LUZP2: variants seen among roughly 807,000 people sequenced by gnomAD.
The protein encoded by LUZP2 is leucine zipper protein 2.
Under a neutral mutation model 51.6 loss-of-function variants are expected in LUZP2, and 52 were observed. The ratio of observed to expected loss-of-function variants is 1.01; its 90% CI spans 0.81 to 1.27. The LOEUF (loss-of-function observed/expected upper bound fraction) is 1.27. Among genes scored for constraint, LUZP2 ranks in the 50% most tolerant of loss-of-function variants. The pLI is 0.00. For missense variants in LUZP2, 436 were observed against 395.4 expected (o/e 1.10, Z -0.87); for synonymous variants, 154 against 137.3 (o/e 1.12, Z -0.85).
intron 1 of LUZP2, among the ~76,000 whole-genome samples, chr11:24,654,717 G>A (rs1006337096): frequency 6.6e-6 from 1 of 151,102 alleles, no homozygotes; most frequent in African/African-American, 2.4e-5. Context: ...TAGAGGCAGG[G>A]TTTCACCATC....
intron 1 of LUZP2, among the ~76,000 whole-genome samples, chr11:24,626,047 G>A (rs1236438590): frequency 6.6e-6 from 1 of 152,106 alleles, no homozygotes; most frequent in Non-Finnish European, 1.5e-5. Context: ...TTTACTTAAG[G>A]TTTTCTGAGT....
At chr11:24,733,283 G>T (rs1253957785) in intron 3 of LUZP2, among the ~76,000 whole-genome samples, 4 of 151,656 alleles carry the variant, frequency 2.6e-5, no homozygotes, top group Non-Finnish European at 4.4e-5. Context: ...AACTTGAAAA[G>T]AGCAATCCGA....
intron 10 of LUZP2, among the ~76,000 whole-genome samples, chr11:25,057,255 T>C (rs563190428): frequency 2.6e-5 from 4 of 152,288 alleles, no homozygotes; most frequent in East Asian, 1.9e-4. Context: ...CTTGGAATTA[T>C]AAAACATGCT....
At chr11:24,666,147 GA>G (rs1362537740) in intron 1 of LUZP2, among the ~76,000 whole-genome samples, 1 of 152,078 alleles carries the variant, frequency 6.6e-6, no homozygotes, top group African/African-American at 2.4e-5. Context: ...AGAAATGGGG[GA>G]AGGTCTGCTT....
chr11:24,812,350 T>G (rs909350546), intron 5 of LUZP2, among the ~76,000 whole-genome samples: 4 of 152,134 alleles, frequency 2.6e-5, no homozygotes, highest in African/African-American at 4.8e-5. Flanking sequence ...GCCTGTCTTG[T>G]TAAAAAAAGA....
At chr11:24,815,005 A>T (rs1262930647) in intron 5 of LUZP2, among the ~76,000 whole-genome samples, 10 of 140,314 alleles carry the variant, frequency 7.1e-5, no homozygotes, top group South Asian at 6.8e-4. Context: ...AAAAAAAAAA[A>T]ATAAAAATAA....
chr11:24,667,252 C>G (rs1005109175), intron 1 of LUZP2, among the ~76,000 whole-genome samples: 1 of 147,134 alleles, frequency 6.8e-6, no homozygotes, highest in Non-Finnish European at 1.5e-5. Context: ...GGCACGATCT[C>G]GGATCATTGC....
intron 1 of LUZP2, among the ~76,000 whole-genome samples, chr11:24,676,981 T>G (rs73434998): frequency 0.042 from 6,329 of 152,242 alleles, 152 homozygotes; most frequent in African/African-American, 0.062. Flanking sequence ...CTCTCATAGC[T>G]TTTACAGAAC....
At chr11:24,628,873 T>C (rs1854779086) in intron 1 of LUZP2, among the ~76,000 whole-genome samples, 1 of 152,070 alleles carries the variant, frequency 6.6e-6, no homozygotes, top group Non-Finnish European at 1.5e-5. Context: ...TGGTCCTTTA[T>C]ACAGGTGAAT....
In LUZP2 at chr11:24,571,946, C is replaced by A. The variant is rs74667209; in HGVS notation, c.62+74641C>A. ...TATTTGTGTTACTCTTTCCATATTT[C>A]TCTGTGAAATTGTGCAAGATTGTCT... On this transcript the variant is annotated intron_variant, in intron 1 of 11. Transcript: ENST00000336930. 4.0e-3 allele frequency among the ~76,000 whole-genome samples: 604 copies of A among 152,004 alleles called. 25 individuals are homozygous for A. In the East Asian group the frequency reaches 0.087, roughly 22 times the overall value.
chr11:24,820,553 G>T (rs974711408), intron 5 of LUZP2, among the ~76,000 whole-genome samples: 3 of 152,164 alleles, frequency 2.0e-5, no homozygotes, highest in African/African-American at 7.2e-5. Context: ...TGGATTAAGG[G>T]GAACAGAAAC....
chr11:24,639,679 A>G (rs921515703), intron 1 of LUZP2, among the ~76,000 whole-genome samples: 2 of 151,698 alleles, frequency 1.3e-5, no homozygotes, highest in Non-Finnish European at 2.9e-5. Flanking sequence ...TCTAACTCAC[A>G]ACCTCATCTG....
At chr11:24,636,019 G>C (rs952572335) in intron 1 of LUZP2, among the ~76,000 whole-genome samples, 2 of 152,056 alleles carry the variant, frequency 1.3e-5, no homozygotes, top group African/African-American at 4.8e-5. Context: ...ATCTACTCTG[G>C]AACTTCTGAT....
chr11:24,912,134 C>G lies in LUZP2; in HGVS notation c.460-2342C>G, dbSNP rs563902440. 8.6e-5 allele frequency among the ~76,000 whole-genome samples: 13 copies of G among 151,434 alleles called. No homozygotes were observed. In the East Asian group the frequency reaches 2.1e-3, roughly 25 times the overall value. Reference sequence around the variant, plus strand: ...CCTTTCGTTTCCTTTCCTTTCCTTCCTTTTTCCTCTCTTCCTTCCTCTCTT... The same window carrying G: ...CCTTTCGTTTCCTTTCCTTTCCTTCGTTTTTCCTCTCTTCCTTCCTCTCTT... On this transcript the variant is annotated intron_variant, in intron 6 of 11. Coordinates refer to ENST00000336930, the MANE Select transcript of LUZP2 (RefSeq NM_001009909.4).
chr11:24,968,890 C>T (rs1160701466), intron 7 of LUZP2, among the ~76,000 whole-genome samples: 1 of 152,196 alleles, frequency 6.6e-6, no homozygotes, highest in Non-Finnish European at 1.5e-5. Flanking sequence ...TCCTATATTT[C>T]AAGGTTCGTA....
intron 7 of LUZP2, among the ~76,000 whole-genome samples, chr11:24,943,577 T>G (rs927334562): frequency 6.6e-6 from 1 of 152,084 alleles, no homozygotes; most frequent in Non-Finnish European, 1.5e-5. Context: ...CTAACTTATT[T>G]TGTCAATAAA....
At chr11:24,836,329 A>T (rs930793736) in intron 5 of LUZP2, among the ~76,000 whole-genome samples, 1 of 151,874 alleles carries the variant, frequency 6.6e-6, no homozygotes, top group Non-Finnish European at 1.5e-5. Flanking sequence ...AGTCTTTAAA[A>T]TTTTTTTATC....
chr11:24,871,705 G>A (rs992818666), intron 5 of LUZP2, among the ~76,000 whole-genome samples: 2 of 151,872 alleles, frequency 1.3e-5, no homozygotes, highest in South Asian at 2.1e-4. Context: ...ATCTTTCATA[G>A]AGCCAGTATT....
intron 5 of LUZP2, among the ~76,000 whole-genome samples, chr11:24,886,904 G>T (rs1235656779): frequency 6.6e-6 from 1 of 152,314 alleles, no homozygotes; most frequent in East Asian, 1.9e-4. Context: ...TTTGAGAGAT[G>T]ATTAGGTCAC....
Sources: gnomAD v4.1 joint callset for allele counts (sites outside exome capture counted in the v4.1 genomes callset) on GRCh38, gnomAD v4.1.1 for gene constraint, MANE v1.5 for transcripts, NCBI Gene and HGNC (gene_info 2026-07-23, HGNC 2026-07-21) for gene names.